Variants in SH3RF1 observed in about 807,000 individuals in gnomAD.
SH3RF1 encodes the protein SH3 domain containing ring finger 1, also known as E3 ubiquitin-protein ligase SH3RF1.
SH3RF1 carries 32 observed loss-of-function variants against 74.0 expected under a neutral mutation model. The ratio of observed to expected loss-of-function variants is 0.43; its 90% CI spans 0.33 to 0.58. The LOEUF (loss-of-function observed/expected upper bound fraction) is 0.58, where lower values mean the gene tolerates loss of function less well. SH3RF1 is among the 20% of genes least tolerant of loss of function. SH3RF1 has a pLI of 0.05. For missense variants in SH3RF1, 954 were observed against 1,130.9 expected, an observed-to-expected ratio of 0.84 and a Z score of 2.24; for synonymous variants, 396 against 439.6, an observed-to-expected ratio of 0.90 and a Z score of 1.24.
At chr4:169,208,638 T>C (rs1730303327) in intron 2 of SH3RF1, among the ~76,000 whole-genome samples, 2 of 152,152 alleles carry the variant, frequency 1.3e-5, no homozygotes, top group Admixed American at 1.3e-4. Flanking sequence ...GAAGAGGAGA[T>C]GACACACACT....
chr4:169,121,061 T>G, intron 7 of SH3RF1, 72 bp from the exon 8 acceptor site: 1 of 1,250,474 alleles, frequency 8.0e-7, no homozygotes, highest in Non-Finnish European at 1.2e-6. Context: ...AATTCTTCCT[T>G]GGTACAAAGT....
At chr4:169,245,547 C>T (rs894412539) in intron 2 of SH3RF1, among the ~76,000 whole-genome samples, 2 of 152,144 alleles carry the variant, frequency 1.3e-5, no homozygotes, top group Non-Finnish European at 2.9e-5. Flanking sequence ...GAAAACAAAG[C>T]TCCAATTGGT....
At chr4:169,177,086 C>T (rs1410591193) in intron 2 of SH3RF1, among the ~76,000 whole-genome samples, 1 of 152,148 alleles carries the variant, frequency 6.6e-6, no homozygotes, top group Non-Finnish European at 1.5e-5. Flanking sequence ...CCCCAGCCTA[C>T]AACTCTTCAA....
chr4:169,146,932 C>T (rs1415420446), intron 4 of SH3RF1, among the ~76,000 whole-genome samples: 3 of 152,038 alleles, frequency 2.0e-5, no homozygotes, highest in Non-Finnish European at 4.4e-5. Context: ...AGACAGCAAC[C>T]GCAAAGGAAG....
chr4:169,159,770 T>G (rs1045664257), intron 2 of SH3RF1, among the ~76,000 whole-genome samples: 2 of 152,244 alleles, frequency 1.3e-5, no homozygotes, highest in Admixed American at 6.5e-5. Context: ...AGCTGGATGC[T>G]TTCCCTTTTA....
chr4:169,114,377 T>C (rs1561026979), intron 10 of SH3RF1, among the ~76,000 whole-genome samples: 3 of 152,220 alleles, frequency 2.0e-5, no homozygotes. Flanking sequence ...GAGTTTACAC[T>C]GGGCCCACCT....
intron 4 of SH3RF1, among the ~76,000 whole-genome samples, chr4:169,140,027 A>G (rs1393655220): frequency 2.0e-5 from 3 of 152,226 alleles, no homozygotes; most frequent in African/African-American, 4.8e-5. Context: ...ATGGACAGTA[A>G]TATTTGTTAG....
chr4:169,212,581 G>A (rs958618658), intron 2 of SH3RF1, among the ~76,000 whole-genome samples: 17 of 151,938 alleles, frequency 1.1e-4, no homozygotes, highest in Admixed American at 1.0e-3. Context: ...CAGCAAAACT[G>A]AGCAGGAAGT....
intron 5 of SH3RF1, among the ~76,000 whole-genome samples, chr4:169,131,155 C>T (rs2126951474): frequency 6.6e-6 from 1 of 152,264 alleles, no homozygotes; most frequent in East Asian, 1.9e-4. Flanking sequence ...TTTCAGTTTC[C>T]CACTGGGGTA....
At position 169,261,564 on chromosome 4, in the gene SH3RF1, C is replaced by G. The variant is rs570241132; in HGVS notation, c.393+7256G>C. ...AATAATGTATAGTGAGCCGTAAACA[C>G]TCCAACTGCACTCCAACCTGGGCAG... On this transcript the variant is annotated intron_variant, in intron 2 of 11. Coordinates refer to ENST00000284637, the MANE Select transcript of SH3RF1 (RefSeq NM_020870.4). 3.3e-5 allele frequency among the ~76,000 whole-genome samples: 5 copies of G among 151,402 alleles called. No individual in the cohort carries two copies. In the South Asian group the frequency reaches 1.0e-3, roughly 32 times the overall value.
intron 2 of SH3RF1, among the ~76,000 whole-genome samples, chr4:169,164,677 C>A (rs967438442): frequency 1.4e-4 from 21 of 152,194 alleles, no homozygotes; most frequent in African/African-American, 2.4e-5. Context: ...TCACTGTGTT[C>A]TAGACACTGG....
intron 2 of SH3RF1, among the ~76,000 whole-genome samples, chr4:169,266,889 C>T (rs913109538): frequency 4.6e-5 from 7 of 152,202 alleles, no homozygotes; most frequent in African/African-American, 1.7e-4. Flanking sequence ...TGTCCTCCAT[C>T]CTCCCCCAGC....
At chr4:169,226,545 A>T (rs899351911) in intron 2 of SH3RF1, among the ~76,000 whole-genome samples, 1 of 152,128 alleles carries the variant, frequency 6.6e-6, no homozygotes, top group Non-Finnish European at 1.5e-5. Context: ...AATTAATGAG[A>T]TCATCAAAGC....
At chr4:169,111,467 G>A (rs1371225802) in intron 10 of SH3RF1, among the ~76,000 whole-genome samples, 1 of 151,162 alleles carries the variant, frequency 6.6e-6, no homozygotes, top group African/African-American at 2.4e-5. Flanking sequence ...GTTTTGCTAA[G>A]TTGCTGAGGG....
chr4:169,254,531 G>A (rs150310553), intron 2 of SH3RF1, among the ~76,000 whole-genome samples: 129 of 152,210 alleles, frequency 8.5e-4, no homozygotes, highest in Admixed American at 1.8e-3. Flanking sequence ...TGACACTATC[G>A]TAAAGATTAC....
rs958168790 is a variant in SH3RF1 at position 169,146,002 on chromosome 4, T to C, written c.766-9382A>G. On this transcript the variant is annotated intron_variant, in intron 4 of 11. Transcript: ENST00000284637. ...ATTATTCTATATAAAATATTACATA[T>C]TCTATATATTCTATATAAAATATTA... is the stretch of plus-strand genomic sequence containing the variant. 2.9e-5 allele frequency among the ~76,000 whole-genome samples: 4 copies of C among 139,082 alleles called. No homozygotes were observed. The East Asian group carries it at 8.0e-4, about 28-fold the overall frequency. The allele number at this position is 139,082 out of a possible 152,430, so 91.2% of individuals were successfully genotyped here.
chr4:169,168,255 C>A (rs982428633), intron 2 of SH3RF1, among the ~76,000 whole-genome samples: 3 of 152,082 alleles, frequency 2.0e-5, no homozygotes, highest in Non-Finnish European at 4.4e-5. Context: ...GATTAATGCA[C>A]ATAAAGATGT....
intron 2 of SH3RF1, among the ~76,000 whole-genome samples, chr4:169,195,326 TC>T (rs887750819): frequency 9.9e-5 from 15 of 152,172 alleles, no homozygotes; most frequent in African/African-American, 3.6e-4. Context: ...TTTGTCTTTT[TC>T]CCCCCACTCT....
chr4:169,126,785 C>T (rs1305381101), intron 6 of SH3RF1, among the ~76,000 whole-genome samples: 1 of 151,846 alleles, frequency 6.6e-6, no homozygotes, highest in Non-Finnish European at 1.5e-5. Context: ...GAGACAGGGT[C>T]TTTCTATGTT....
Sources: gnomAD v4.1 joint callset for allele counts (sites outside exome capture counted in the v4.1 genomes callset) on GRCh38, gnomAD v4.1.1 for gene constraint, MANE v1.5 for transcripts, NCBI Gene and HGNC (gene_info 2026-07-23, HGNC 2026-07-21) for gene names.